Variants in DGCR2 observed in about 807,000 individuals in gnomAD.
The protein encoded by DGCR2 is integral membrane protein DGCR2/IDD.
Under a neutral mutation model 51.6 loss-of-function variants are expected in DGCR2, and 24 were observed. The observed-to-expected ratio is 0.47, with a 90% CI of 0.34 to 0.65. DGCR2 has a LOEUF of 0.65. DGCR2 is among the 30% of genes least tolerant of loss of function. The pLI is 0.01. For missense variants in DGCR2, 765 were observed against 772.1 expected (o/e 0.99, Z 0.11); for synonymous variants, 340 against 315.4 (o/e 1.08, Z -0.82).
intron 1 of DGCR2, 31 bp from the exon 2 acceptor site, chr22:19,089,521 G>A (rs1410004435): frequency 6.6e-7 from 1 of 1,508,300 alleles, no homozygotes; most frequent in Non-Finnish European, 8.9e-7. Flanking sequence ...AGGCCATTGA[G>A]GAAGTGGCAG....
intron 5 of DGCR2, among the ~76,000 whole-genome samples, chr22:19,058,498 G>A (rs1569048238): frequency 1.3e-5 from 2 of 151,978 alleles, no homozygotes; most frequent in Admixed American, 6.6e-5. Flanking sequence ...AGGCCCCCGA[G>A]CCCCTGCACA....
At chr22:19,067,890 G>A (rs1274009853) in intron 3 of DGCR2, among the ~76,000 whole-genome samples, 1 of 152,156 alleles carries the variant, frequency 6.6e-6, no homozygotes, top group African/African-American at 2.4e-5. Context: ...CCTCAGAGCC[G>A]GTTGACTTCC....
At chr22:19,100,700 T>C (rs1183547837) in intron 1 of DGCR2, among the ~76,000 whole-genome samples, 1 of 151,038 alleles carries the variant, frequency 6.6e-6, no homozygotes, top group Non-Finnish European at 1.5e-5. Context: ...CAGCAGTTCC[T>C]AGACTTCTTC....
intron 1 of DGCR2, among the ~76,000 whole-genome samples, chr22:19,104,709 C>G (rs2154188): frequency 0.25 from 38,330 of 152,104 alleles, 5,807 homozygotes; most frequent in African/African-American, 0.43. Context: ...GTGCCCAGAA[C>G]AGAAGGTTCC....
Position 19,038,977 on chromosome 22 carries a change from C to T in DGCR2, c.1541G>A (p.Ser514Asn), listed in dbSNP as rs1346024521. The change falls in exon 10 of 10, where the codon AGC (serine) becomes AAC (asparagine). Residue 514 changes from serine to asparagine, a missense_variant. By Grantham distance (46) the Ser-to-Asn change is conservative (BLOSUM62 1). Coordinates refer to ENST00000263196, the MANE Select transcript of DGCR2 (RefSeq NM_005137.3). ...LADLEDSADS[S>N]SALLVPPDPA... ...GTCAGGGGGCACGAGCAGGGCGCTG[C>T]TGCTGTCGGCAGAGTCTTCCAGGTC... The T allele has an allele frequency of 3.7e-6, 6 of 1,611,654 alleles. No homozygotes were observed. Among genetic ancestry groups the T allele is most frequent in the Non-Finnish European group, 5.1e-6 (6 of 1,179,324 alleles).
At chr22:19,098,106 G>C (rs1335348053) in intron 1 of DGCR2, among the ~76,000 whole-genome samples, 1 of 152,072 alleles carries the variant, frequency 6.6e-6, no homozygotes, top group Non-Finnish European at 1.5e-5. Flanking sequence ...GTTATCAAAA[G>C]AGGAAAAATA....
intron 2 of DGCR2, among the ~76,000 whole-genome samples, chr22:19,089,106 G>A (rs996798178): frequency 1.3e-5 from 2 of 152,222 alleles, no homozygotes; most frequent in African/African-American, 4.8e-5. Context: ...TCCAGGGAGT[G>A]CAGCGCCTCC....
intron 1 of DGCR2, 131 bp downstream of exon 1, chr22:19,121,997 A>G: frequency 4.0e-6 from 2 of 497,360 alleles, no homozygotes; most frequent in Non-Finnish European, 5.9e-6. Flanking sequence ...GCGGCCCGCG[A>G]GCCAGGCCCC....
At chr22:19,042,956 C>T (rs1271364267) in intron 7 of DGCR2, among the ~76,000 whole-genome samples, 1 of 151,864 alleles carries the variant, frequency 6.6e-6, no homozygotes, top group Non-Finnish European at 1.5e-5. Flanking sequence ...CACCTGGACA[C>T]AACACTGGGT....
intron 4 of DGCR2, 82 bp from the exon 5 acceptor site, chr22:19,063,360 G>A: frequency 2.2e-6 from 3 of 1,365,926 alleles, no homozygotes; most frequent in Non-Finnish European, 3.1e-6. Flanking sequence ...TTTGTTTTTT[G>A]AGACAGAGTC....
chr22:19,038,667 A>T lies in DGCR2; in HGVS notation c.*198T>A. The T allele has an allele frequency of 1.5e-6, 1 of 667,108 alleles. No individual in the cohort carries two copies. Among genetic ancestry groups the T allele is most frequent in the Admixed American group, 3.2e-5 (1 of 31,670 alleles). 41.3% of individuals were successfully genotyped at this position (667,108 alleles called of 1,614,324 possible). A position where few individuals can be genotyped will look rare whatever the true frequency, so the allele number is the denominator to read the frequency against. On this transcript the variant is annotated 3_prime_UTR_variant, in exon 10 of 10. Transcript: ENST00000263196. ...AGCTATGCATGTTTCTGAAGCCCTC[A>T]AGGAAGCTCGGTGCAGGCCATCACT...
Position 19,064,901 on chromosome 22 carries a change from C to A in DGCR2, c.495G>T (p.Leu165=). The part of the protein sequence containing the change: ...FSTDQELRFV[L]AQEWDQPERS... ...GCTCGGGCTGGTCCCATTCCTGGGC[C>A]AGGACAAAGCGCAGCTCCTGGTCAG... Residue 165 remains leucine (L), a synonymous_variant, in exon 4 of 10, where the codon CTG becomes CTT. Coordinates refer to ENST00000263196, the MANE Select transcript of DGCR2 (RefSeq NM_005137.3). 3 of 1,613,956 alleles carry A rather than the reference C, an allele frequency of 1.9e-6. No homozygotes were observed. Among genetic ancestry groups the A allele is most frequent in the Non-Finnish European group, 1.7e-6 (2 of 1,180,038 alleles).
At chr22:19,060,186 A>G (rs1251929656) in intron 5 of DGCR2, among the ~76,000 whole-genome samples, 1 of 152,184 alleles carries the variant, frequency 6.6e-6, no homozygotes, top group Non-Finnish European at 1.5e-5. Context: ...AGTGGCTGCT[A>G]GGCCAGCCTG....
intron 1 of DGCR2, among the ~76,000 whole-genome samples, chr22:19,112,890 A>G (rs1047403508): frequency 6.9e-6 from 1 of 144,698 alleles, no homozygotes; most frequent in East Asian, 2.0e-4. Context: ...ATTCTACTTA[A>G]TAGGTCTGCT....
intron 6 of DGCR2, among the ~76,000 whole-genome samples, chr22:19,054,377 G>T (rs1395218686): frequency 6.6e-6 from 1 of 152,194 alleles, no homozygotes; most frequent in East Asian, 1.9e-4. Context: ...TGTATGAAAG[G>T]AAGTTCCTTG....
intron 2 of DGCR2, among the ~76,000 whole-genome samples, chr22:19,076,176 G>C (rs190300561): frequency 2.9e-4 from 44 of 150,420 alleles, no homozygotes; most frequent in South Asian, 1.3e-3. Flanking sequence ...TTATTTTTTG[G>C]GGGGGAAGGA....
intron 1 of DGCR2, among the ~76,000 whole-genome samples, chr22:19,112,491 G>A (rs1441257167): frequency 9.6e-6 from 1 of 104,518 alleles, no homozygotes; most frequent in African/African-American, 3.4e-5. Flanking sequence ...GCCTAGGCTG[G>A]AGTGCAGAGG....
chr22:19,079,308 T>A (rs2082911816), intron 2 of DGCR2, among the ~76,000 whole-genome samples: 1 of 152,026 alleles, frequency 6.6e-6, no homozygotes. Flanking sequence ...CAGAAAAAAA[T>A]CCAAAATCCA....
rs9618451 is a variant in DGCR2 at position 19,039,191 on chromosome 22, C to T, written c.1397-70G>A. ...GCACAGGGGATGCAGGGGAGCTAGG[C>T]AAAACCAGGAGACACTCCTCCTGCC... is the stretch of plus-strand genomic sequence containing the variant. On this transcript the variant is annotated intron_variant, in intron 9 of 9. Coordinates refer to ENST00000263196, the MANE Select transcript of DGCR2 (RefSeq NM_005137.3). 6.4e-3 allele frequency: 10,080 copies of T among 1,581,290 alleles called. 495 individuals carry two copies. The African/African-American group carries it at 0.11, about 17-fold the overall frequency.
Sources: allele counts gnomAD v4.1 joint callset (sites outside exome capture counted in the v4.1 genomes callset), GRCh38; gene constraint gnomAD v4.1.1; transcripts MANE v1.5; gene names NCBI Gene and HGNC (gene_info 2026-07-23, HGNC 2026-07-21).